Variants in TENM3 observed in about 807,000 individuals in gnomAD.
TENM3 encodes teneurin-3.
In TENM3, 63 loss-of-function variants were observed where a neutral mutation model predicts 255.1. The observed-to-expected ratio is 0.25, with a 90% CI of 0.20 to 0.30. The LOEUF is 0.30. TENM3 is among the 10% of genes least tolerant of loss of function. The pLI, the probability that TENM3 is intolerant of heterozygous loss-of-function variation, is 1.00. For synonymous variants in TENM3, 1,306 were observed against 1,322.3 expected (o/e 0.99, Z 0.27); for missense variants, 2,929 against 3,461.1 (o/e 0.85, Z 3.86).
At chr4:182,778,254 GA>G (rs1010935400) in intron 24 of TENM3, among the ~76,000 whole-genome samples, 1 of 150,868 alleles carries the variant, frequency 6.6e-6, no homozygotes. Flanking sequence ...GAGGCTTAGA[GA>G]AAAAAAAATC....
chr4:181,574,411 G>A, the TENM3 span, among the ~76,000 whole-genome samples: 2 of 151,650 alleles, frequency 1.3e-5, no homozygotes, highest in Admixed American at 6.6e-5. Flanking sequence ...GGCGCCTGTA[G>A]TCCCAGCTAC....
At chr4:182,324,288 A>T in intron 2 of TENM3, 36 bp downstream of exon 2, 1 of 1,467,734 alleles carries the variant, frequency 6.8e-7, no homozygotes, top group Non-Finnish European at 9.6e-7. Flanking sequence ...GGCAATGCTC[A>T]CGTTACTAAC....
intron 3 of TENM3, among the ~76,000 whole-genome samples, chr4:182,365,126 T>C (rs1766338250): frequency 6.6e-6 from 1 of 152,248 alleles, no homozygotes; most frequent in Admixed American, 6.5e-5. Context: ...GTCTTACCTT[T>C]GTTGTAATTT....
At chr4:182,750,467 T>G (rs191483939) in intron 19 of TENM3, among the ~76,000 whole-genome samples, 167 of 152,304 alleles carry the variant, frequency 1.1e-3, no homozygotes, top group Non-Finnish European at 6.0e-4. Flanking sequence ...TGAGAAACAC[T>G]TAAACAATTT....
intron 1 of TENM3, among the ~76,000 whole-genome samples, chr4:182,166,360 G>T (rs1012080547): frequency 6.6e-6 from 1 of 152,176 alleles, no homozygotes; most frequent in Non-Finnish European, 1.5e-5. Flanking sequence ...AAAACAGTGT[G>T]TCTGGAGGGC....
chr4:182,554,683 T>C (rs1233353492), intron 3 of TENM3, among the ~76,000 whole-genome samples: 2 of 152,106 alleles, frequency 1.3e-5, no homozygotes, highest in Non-Finnish European at 2.9e-5. Flanking sequence ...TTGCCCAAGA[T>C]TTTAGGTTTA....
the TENM3 span, among the ~76,000 whole-genome samples, chr4:181,518,006 T>C: frequency 2.0e-5 from 3 of 152,096 alleles, no homozygotes; most frequent in African/African-American, 7.2e-5. Context: ...TGTAGTAATC[T>C]TGTTGTATTT....
chr4:182,287,763 T>A (rs146168493), intron 1 of TENM3, among the ~76,000 whole-genome samples: 7 of 146,608 alleles, frequency 4.8e-5, no homozygotes, highest in African/African-American at 1.0e-4. Context: ...ACAGGCGCCC[T>A]CCACCACACC....
intron 22 of TENM3, among the ~76,000 whole-genome samples, chr4:182,769,384 T>A (rs1763984058): frequency 6.6e-6 from 1 of 151,592 alleles, no homozygotes. Flanking sequence ...TCTGTTGACA[T>A]AGGTGCTAAT....
At chr4:182,207,702 A>G (rs1367873788) in intron 1 of TENM3, among the ~76,000 whole-genome samples, 8 of 152,222 alleles carry the variant, frequency 5.3e-5, no homozygotes, top group Admixed American at 1.3e-4. Context: ...CTTAATATGT[A>G]AAAGCTTGGG....
At chr4:181,948,169 T>C in the TENM3 span, among the ~76,000 whole-genome samples, 1 of 152,150 alleles carries the variant, frequency 6.6e-6, no homozygotes, top group Non-Finnish European at 1.5e-5. Context: ...TATTCCAATT[T>C]CTATGGAGGT....
intron 2 of TENM3, among the ~76,000 whole-genome samples, chr4:182,336,038 T>C (rs527695494): frequency 6.6e-6 from 1 of 152,204 alleles, no homozygotes; most frequent in East Asian, 1.9e-4. Flanking sequence ...CCAGGGAATA[T>C]GCCTAGGAAG....
intron 3 of TENM3, among the ~76,000 whole-genome samples, chr4:182,363,196 C>G (rs1410336408): frequency 6.6e-6 from 1 of 152,116 alleles, no homozygotes; most frequent in African/African-American, 2.4e-5. Flanking sequence ...GGAGCCAGAA[C>G]TATAGGATTG....
At chr4:181,869,472 C>A in the TENM3 span, among the ~76,000 whole-genome samples, 3 of 151,836 alleles carry the variant, frequency 2.0e-5, no homozygotes, top group Non-Finnish European at 2.9e-5. Flanking sequence ...TAGTGAGTTG[C>A]AAAGTTAAAA....
At chr4:181,654,397 G>A in the TENM3 span, among the ~76,000 whole-genome samples, 1 of 152,120 alleles carries the variant, frequency 6.6e-6, no homozygotes, top group Non-Finnish European at 1.5e-5. Context: ...AAAAGGATAT[G>A]TGCTCTCTGG....
At chr4:182,456,470 T>C (rs1349419792) in intron 3 of TENM3, among the ~76,000 whole-genome samples, 1 of 152,186 alleles carries the variant, frequency 6.6e-6, no homozygotes, top group East Asian at 1.9e-4. Flanking sequence ...CCGATAGGTG[T>C]TAGGTGTTTA....
chr4:182,032,179 G>A, the TENM3 span, among the ~76,000 whole-genome samples: 2 of 152,160 alleles, frequency 1.3e-5, no homozygotes, highest in East Asian at 1.9e-4. Flanking sequence ...TATGATGTTG[G>A]CTGTGGGTTT....
chr4:182,188,027 G>A (rs1579645973), intron 1 of TENM3, among the ~76,000 whole-genome samples: 1 of 152,198 alleles, frequency 6.6e-6, no homozygotes, highest in East Asian at 1.9e-4. Context: ...GTGATACAGT[G>A]TTTAAATACT....
At chr4:182,077,436 CT>C in the TENM3 span, among the ~76,000 whole-genome samples, 1 of 152,146 alleles carries the variant, frequency 6.6e-6, no homozygotes, top group Non-Finnish European at 1.5e-5. Context: ...GAAATGGCCC[CT>C]GCTTCAGCTG....
Sources: allele counts gnomAD v4.1 joint callset (sites outside exome capture counted in the v4.1 genomes callset), GRCh38; gene constraint gnomAD v4.1.1; transcripts MANE v1.5; gene names NCBI Gene and HGNC (gene_info 2026-07-23, HGNC 2026-07-21).